The following KSR2 variants were observed in gnomAD, a reference collection of about 807,000 sequenced individuals.
KSR2 encodes the protein kinase suppressor of ras 2.
KSR2 carries 25 observed loss-of-function variants against 107.8 expected under a neutral mutation model. That is an observed-to-expected ratio of 0.23 (90% CI 0.17 to 0.32). KSR2 has a LOEUF of 0.32. Among genes scored for constraint, KSR2 ranks in the 10% least tolerant of loss-of-function variants. The pLI is 1.00. For synonymous variants in KSR2, 480 were observed against 507.0 expected, an observed-to-expected ratio of 0.95 and a Z score of 0.71; for missense variants, 887 against 1,268.9, an observed-to-expected ratio of 0.70 and a Z score of 4.57.
At chr12:117,560,803 T>C (rs1878059877) in intron 7 of KSR2, among the ~76,000 whole-genome samples, 1 of 152,160 alleles carries the variant, frequency 6.6e-6, no homozygotes, top group Non-Finnish European at 1.5e-5. Context: ...GACCCTGAGA[T>C]CTGATAGTTT....
intron 3 of KSR2, among the ~76,000 whole-genome samples, chr12:117,823,129 A>AC (rs1448411204): frequency 1.4e-5 from 2 of 140,414 alleles, no homozygotes; most frequent in African/African-American, 5.0e-5. Context: ...AAAAAAAAAA[A>AC]AGTGTGGCTG....
At chr12:117,891,044 GACAAAAAA>G (rs911791860) in intron 1 of KSR2, 1 of 152,036 alleles carries the variant, frequency 6.6e-6, no homozygotes, top group Non-Finnish European at 1.5e-5. Context: ...GGCAGTAGGG[GACAAAAAA>G]ACATAAGTGA....
chr12:117,610,723 AG>A (rs1335533862), intron 5 of KSR2, among the ~76,000 whole-genome samples: 1 of 132,812 alleles, frequency 7.5e-6, no homozygotes, highest in African/African-American at 2.8e-5. Flanking sequence ...TGGGTGACAG[AG>A]TGAGACCCTG....
Position 117,844,482 on chromosome 12 carries a change from A to T in KSR2, c.472+10946T>A, listed in dbSNP as rs75766026. Among the ~76,000 whole-genome samples, 154 of 72,550 alleles carry T rather than the reference A, an allele frequency of 2.1e-3. 2 individuals are homozygous for T. The highest frequency in any genetic ancestry group is 1.4e-3 in the Non-Finnish European group (34 of 25,080). The allele number at this position is 72,550 out of a possible 152,430, so 47.6% of individuals were successfully genotyped here. A position where few individuals can be genotyped will look rare whatever the true frequency, so the allele number is the denominator to read the frequency against. On this transcript the variant is annotated intron_variant, in intron 3 of 19. Coordinates refer to ENST00000339824, the MANE Select transcript of KSR2 (RefSeq NM_173598.6). The stretch of plus-strand genomic sequence containing the variant: ...GCTGAAATTCCCTCCTCTTCTGAGT[A>T]TTTTTTTTTTTTTAACTCACAAGTT...
intron 1 of KSR2, among the ~76,000 whole-genome samples, chr12:117,966,668 CTCTCCCTCCCTCTCTT>C (rs1192400450): frequency 1.3e-5 from 2 of 148,462 alleles, no homozygotes; most frequent in South Asian, 2.1e-4. Flanking sequence ...CTCTTTCTCT[CTCTCCCTCCCTCTCTT>C]TCTCCCTCCC....
At chr12:117,911,172 T>TCA (rs768814470) in intron 1 of KSR2, among the ~76,000 whole-genome samples, 133 of 137,628 alleles carry the variant, frequency 9.7e-4, no homozygotes, top group African/African-American at 3.5e-3. Context: ...TCTCTCTCTC[T>TCA]CTCACACACA....
chr12:117,668,801 A>C (rs1385351052), intron 4 of KSR2, among the ~76,000 whole-genome samples: 1 of 152,176 alleles, frequency 6.6e-6, no homozygotes, highest in Non-Finnish European at 1.5e-5. Flanking sequence ...GCTGAAACCA[A>C]GCAGAAGCTT....
chr12:117,463,193 C>G lies in KSR2; in HGVS notation c.*4006G>C, dbSNP rs1450656247. On this transcript the variant is annotated 3_prime_UTR_variant, in exon 20 of 20. Coordinates refer to ENST00000339824, the MANE Select transcript of KSR2 (RefSeq NM_173598.6). ...CTCCATATCACACAGGCCAAGCAGT[C>G]AACATCTGCTCCACCCTATCCAAGG... 6.6e-6 allele frequency: 1 copy of G among 152,286 alleles called. No individual in the cohort carries two copies. The highest frequency in any genetic ancestry group is 2.4e-5 in the African/African-American group (1 of 41,474). The allele number at this position is 152,286 out of a possible 1,614,324, so 9.4% of individuals were successfully genotyped here.
chr12:117,851,430 A>G (rs1892918987), intron 3 of KSR2, among the ~76,000 whole-genome samples: 1 of 152,190 alleles, frequency 6.6e-6, no homozygotes, highest in East Asian at 1.9e-4. Flanking sequence ...AGTCTCCACG[A>G]AAATTAGACA....
intron 1 of KSR2, among the ~76,000 whole-genome samples, chr12:117,861,692 A>T (rs1016671792): frequency 2.0e-5 from 3 of 151,568 alleles, no homozygotes; most frequent in Non-Finnish European, 4.4e-5. Flanking sequence ...CCAGCCGAGG[A>T]CTCCCAATTC....
chr12:117,509,503 C>T (rs1314632506), intron 14 of KSR2, among the ~76,000 whole-genome samples: 1 of 152,208 alleles, frequency 6.6e-6, no homozygotes, highest in Non-Finnish European at 1.5e-5. Context: ...CTGAGCCTAG[C>T]AACTGCAGCT....
At chr12:117,469,062 G>A (rs948021329) in intron 19 of KSR2, among the ~76,000 whole-genome samples, 1 of 152,194 alleles carries the variant, frequency 6.6e-6, no homozygotes, top group Non-Finnish European at 1.5e-5. Context: ...AGCTGGGGCT[G>A]TCGAGAGAGG....
chr12:117,541,459 C>T (rs1186458818), intron 9 of KSR2, among the ~76,000 whole-genome samples: 1 of 152,186 alleles, frequency 6.6e-6, no homozygotes, highest in Admixed American at 6.5e-5. Context: ...TTGCTTTCAC[C>T]AGATGGCAAG....
intron 4 of KSR2, among the ~76,000 whole-genome samples, chr12:117,754,335 G>C (rs1184704083): frequency 6.6e-6 from 1 of 152,046 alleles, no homozygotes; most frequent in East Asian, 1.9e-4. Flanking sequence ...AGGATAAGGG[G>C]CCTAAAAAAT....
chr12:117,894,951 G>A (rs191401548), intron 1 of KSR2, among the ~76,000 whole-genome samples: 27 of 151,822 alleles, frequency 1.8e-4, no homozygotes, highest in African/African-American at 5.6e-4. Flanking sequence ...CTAATATCCC[G>A]GGCTTCGTGG....
intron 1 of KSR2, among the ~76,000 whole-genome samples, chr12:117,911,788 C>T (rs570787489): frequency 0.015 from 1,180 of 77,900 alleles, 13 homozygotes; most frequent in African/African-American, 0.062. Flanking sequence ...TCATGAGGAT[C>T]GCAAACTCTC....
At chr12:117,698,903 T>G (rs972705798) in intron 4 of KSR2, among the ~76,000 whole-genome samples, 3 of 152,180 alleles carry the variant, frequency 2.0e-5, no homozygotes, top group Admixed American at 6.5e-5. Context: ...CACATACAGT[T>G]CCCATGGCCT....
At chr12:117,563,552 T>C (rs897535209) in intron 7 of KSR2, among the ~76,000 whole-genome samples, 2 of 152,064 alleles carry the variant, frequency 1.3e-5, no homozygotes, top group Admixed American at 1.3e-4. Flanking sequence ...GCAAGTAAGG[T>C]GCCCAGAACA....
At chr12:117,796,931 T>C (rs994821639) in intron 3 of KSR2, among the ~76,000 whole-genome samples, 2 of 152,162 alleles carry the variant, frequency 1.3e-5, no homozygotes, top group South Asian at 4.1e-4. Flanking sequence ...TGATCACTCA[T>C]TTAACAAGCA....
Sources: allele counts gnomAD v4.1 joint callset (sites outside exome capture counted in the v4.1 genomes callset), GRCh38; gene constraint gnomAD v4.1.1; transcripts MANE v1.5; gene names NCBI Gene and HGNC (gene_info 2026-07-23, HGNC 2026-07-21).